SULF1: variants seen among roughly 807,000 people sequenced by gnomAD.
SULF1 encodes the protein extracellular sulfatase Sulf-1.
A neutral mutation model predicts 110.5 loss-of-function variants in SULF1; 46 were observed. The ratio of observed to expected loss-of-function variants is 0.42; its 90% confidence interval spans 0.33 to 0.53. The LOEUF (loss-of-function observed/expected upper bound fraction) is 0.53. SULF1 is among the 20% of genes least tolerant of loss of function. The pLI is 0.12. For missense variants in SULF1, 941 were observed against 1,094.2 expected (o/e 0.86, Z 1.98); for synonymous variants, 371 against 387.1 (o/e 0.96, Z 0.49).
intron 8 of SULF1, chr8:69,597,068 C>T (rs1807396857): frequency 6.6e-6 from 1 of 152,212 alleles, no homozygotes; most frequent in South Asian, 2.1e-4. Context: ...TTTTCCATTT[C>T]TCCCAAAAAC....
intron 3 of SULF1, among the ~76,000 whole-genome samples, chr8:69,549,519 G>A (rs549468747): frequency 8.6e-4 from 123 of 142,414 alleles, no homozygotes; most frequent in African/African-American, 2.9e-3. Flanking sequence ...CACCCCACAA[G>A]CCAGGATGCC....
At chr8:69,524,347 A>G (rs1812521412) in intron 3 of SULF1, among the ~76,000 whole-genome samples, 1 of 152,106 alleles carries the variant, frequency 6.6e-6, no homozygotes, top group Admixed American at 6.6e-5. Flanking sequence ...GTGCTGGCAT[A>G]TACTTCTGGT....
chr8:69,648,208 C>T (rs958697898), intron 22 of SULF1, among the ~76,000 whole-genome samples: 4 of 151,046 alleles, frequency 2.6e-5, no homozygotes, highest in African/African-American at 4.9e-5. Context: ...GATGTATTAA[C>T]GCAGATAGTC....
intron 3 of SULF1, among the ~76,000 whole-genome samples, chr8:69,517,147 G>A (rs1040984827): frequency 6.6e-6 from 1 of 152,208 alleles, no homozygotes; most frequent in Non-Finnish European, 1.5e-5. Flanking sequence ...ATCATCCCAT[G>A]GCAGAAGGGT....
chr8:69,620,823 G>A (rs1469853806), intron 13 of SULF1, among the ~76,000 whole-genome samples: 3 of 152,104 alleles, frequency 2.0e-5, no homozygotes, highest in Admixed American at 6.5e-5. Context: ...CAATGATTTC[G>A]TTGTCATCTG....
At chr8:69,628,050 A>G in intron 17 of SULF1, 121 bp from the exon 18 acceptor site, 1 of 958,762 alleles carries the variant, frequency 1.0e-6, no homozygotes, top group East Asian at 2.4e-5. Flanking sequence ...AGTCACATTC[A>G]GCTAAAATAC....
intron 15 of SULF1, among the ~76,000 whole-genome samples, chr8:69,626,710 C>G (rs935336327): frequency 5.3e-5 from 8 of 152,240 alleles, no homozygotes; most frequent in Non-Finnish European, 1.2e-4. Flanking sequence ...AGCCGCTGGC[C>G]CGGGTGCTAA....
intron 6 of SULF1, among the ~76,000 whole-genome samples, chr8:69,579,160 CA>C (rs1179542392): frequency 0.15 from 7,794 of 52,728 alleles, 203 homozygotes; most frequent in African/African-American, 0.29. Context: ...GACTCTGTCT[CA>C]AAAAAAAAAA....
chr8:69,658,719 T>A lies in SULF1; in HGVS notation c.*184T>A. The stretch of plus-strand genomic sequence containing the variant: ...GTCACTATGAGCAAAATAAAACAAA[T>A]AAGACTCAAACTGCTCAAAGTGACG... On this transcript the variant is annotated 3_prime_UTR_variant, in exon 23 of 23. Coordinates refer to ENST00000402687, the MANE Select transcript of SULF1 (RefSeq NM_001128205.2). 1 of 691,278 alleles carries A rather than the reference T, an allele frequency of 1.4e-6. No homozygotes were observed. Among genetic ancestry groups the A allele is most frequent in the Non-Finnish European group, 2.6e-6 (1 of 377,496 alleles). 42.8% of individuals were successfully genotyped at this position (691,278 alleles called of 1,614,324 possible). A position where few individuals can be genotyped will look rare whatever the true frequency, so the allele number is the denominator to read the frequency against.
chr8:69,537,952 A>G (rs1199488579), intron 3 of SULF1, among the ~76,000 whole-genome samples: 1 of 152,132 alleles, frequency 6.6e-6, no homozygotes, highest in Admixed American at 6.5e-5. Flanking sequence ...AAGTTTTATA[A>G]CATTTCAAAT....
intron 5 of SULF1, among the ~76,000 whole-genome samples, chr8:69,571,342 C>T (rs1045845034): frequency 1.2e-4 from 19 of 152,116 alleles, no homozygotes; most frequent in Admixed American, 3.9e-4. Flanking sequence ...GTAAACTAGT[C>T]GGAGTGGGGA....
At chr8:69,493,245 A>C (rs1460689032) in intron 1 of SULF1, 120 bp downstream of exon 1, 1 of 152,604 alleles carries the variant, frequency 6.6e-6, no homozygotes, top group Non-Finnish European at 1.5e-5. Context: ...ATATTCTCAG[A>C]TGATGGAAAG....
At chr8:69,475,897 A>G (rs753935199) in intron 1 of SULF1, among the ~76,000 whole-genome samples, 2 of 151,980 alleles carry the variant, frequency 1.3e-5, no homozygotes, top group African/African-American at 4.8e-5. Flanking sequence ...CCTTAGATTT[A>G]AAAAAAAATT....
chr8:69,574,359 G>C (rs1050857409), intron 5 of SULF1, among the ~76,000 whole-genome samples: 2 of 152,066 alleles, frequency 1.3e-5, no homozygotes, highest in Non-Finnish European at 2.9e-5. Context: ...CCCACCTCCA[G>C]AGCATCACAC....
intron 13 of SULF1, among the ~76,000 whole-genome samples, chr8:69,617,828 T>A (rs559441103): frequency 6.6e-6 from 1 of 152,296 alleles, no homozygotes; most frequent in Admixed American, 6.5e-5. Context: ...ATAGGTGCAC[T>A]GATAGTATTC....
intron 22 of SULF1, among the ~76,000 whole-genome samples, chr8:69,649,234 C>A (rs747627460): frequency 6.6e-6 from 1 of 152,158 alleles, no homozygotes; most frequent in Non-Finnish European, 1.5e-5. Context: ...AGAACTGTTA[C>A]CCCATTTGCT....
At chr8:69,539,763 C>T (rs1813737535) in intron 3 of SULF1, among the ~76,000 whole-genome samples, 2 of 152,240 alleles carry the variant, frequency 1.3e-5, no homozygotes, top group East Asian at 3.9e-4. Context: ...TGAAGGGAGG[C>T]TTCACTGAGG....
chr8:69,554,071 C>T (rs1021210684), intron 3 of SULF1, among the ~76,000 whole-genome samples: 14 of 152,198 alleles, frequency 9.2e-5, no homozygotes, highest in Admixed American at 6.5e-5. Flanking sequence ...TGGTGACCAG[C>T]TTTCATGAAT....
rs1338867941 is a variant in SULF1 at position 69,652,195 on chromosome 8, A to T, written c.2586-6310A>T. ...CCTTTATAAGGACTCTTGAGATCCCACTGGCCCCACCTGGATGCTCCAGGA... is the reference window on the plus strand; with the variant it reads ...CCTTTATAAGGACTCTTGAGATCCCTCTGGCCCCACCTGGATGCTCCAGGA... On this transcript the variant is annotated intron_variant, in intron 22 of 22. Coordinates refer to ENST00000402687, the MANE Select transcript of SULF1 (RefSeq NM_001128205.2). Among the ~76,000 whole-genome samples, 15 of 151,024 alleles carry T rather than the reference A, an allele frequency of 9.9e-5. No individual in the cohort carries two copies. In the East Asian group the frequency reaches 2.9e-3, roughly 29 times the overall value.
Sources: allele counts gnomAD v4.1 joint callset (sites outside exome capture counted in the v4.1 genomes callset), GRCh38; gene constraint gnomAD v4.1.1; transcripts MANE v1.5; gene names NCBI Gene and HGNC (gene_info 2026-07-23, HGNC 2026-07-21).